The following FARP1 variants were observed in gnomAD, a reference collection of about 807,000 sequenced individuals.
FARP1 encodes the protein FERM, ARHGEF and pleckstrin domain-containing protein 1.
FARP1 carries 52 observed loss-of-function variants against 128.8 expected under a neutral mutation model. The observed-to-expected ratio is 0.40, with a 90% CI of 0.32 to 0.51. The LOEUF is 0.51. Ranked by LOEUF, FARP1 falls within the 20% of genes least tolerant of loss-of-function variation. The pLI, the probability that FARP1 is intolerant of heterozygous loss-of-function variation, is 0.45. For synonymous variants in FARP1, 580 were observed against 551.8 expected (o/e 1.05, Z -0.72); for missense variants, 1,333 against 1,367.9 (o/e 0.97, Z 0.40).
chr13:98,320,266 C>T (rs1416310354), intron 2 of FARP1, among the ~76,000 whole-genome samples: 2 of 152,166 alleles, frequency 1.3e-5, no homozygotes, highest in Admixed American at 6.5e-5. Context: ...GGTACCTGAT[C>T]GGCCCAGGTG....
chr13:98,436,701 C>T (rs557421819), intron 19 of FARP1, among the ~76,000 whole-genome samples: 2 of 152,322 alleles, frequency 1.3e-5, no homozygotes, highest in Admixed American at 6.5e-5. Flanking sequence ...AAGAGCCATG[C>T]GGTAAGCGCT....
At chr13:98,177,299 T>C in intron 1 of FARP1, 2 of 1,349,016 alleles carry the variant, frequency 1.5e-6, no homozygotes, top group Non-Finnish European at 2.0e-6. Context: ...CTTGCGTCGC[T>C]GCACGTGGGG....
At chr13:98,442,322 T>C (rs1892558107) in intron 24 of FARP1, among the ~76,000 whole-genome samples, 1 of 152,194 alleles carries the variant, frequency 6.6e-6, no homozygotes, top group African/African-American at 2.4e-5. Context: ...CGAGAGAGTC[T>C]CGGAATTTAT....
intron 2 of FARP1, chr13:98,329,247 C>T (rs1176230844): frequency 6.6e-6 from 1 of 152,224 alleles, no homozygotes; most frequent in East Asian, 1.9e-4. Context: ...GAAAGAATGT[C>T]ATCTTCTATT....
chr13:98,427,596 C>T (rs1171717784), intron 17 of FARP1, among the ~76,000 whole-genome samples: 1 of 152,222 alleles, frequency 6.6e-6, no homozygotes, highest in Non-Finnish European at 1.5e-5. Flanking sequence ...GTCCTTCGTG[C>T]CTTCTCCAGG....
intron 2 of FARP1, among the ~76,000 whole-genome samples, chr13:98,294,324 T>C (rs1427375485): frequency 1.3e-5 from 2 of 152,132 alleles, no homozygotes; most frequent in East Asian, 3.9e-4. Context: ...GGTTCAACCA[T>C]TGATAAGATA....
At chr13:98,352,713 C>T (rs535697260) in intron 3 of FARP1, among the ~76,000 whole-genome samples, 29 of 152,284 alleles carry the variant, frequency 1.9e-4, no homozygotes, top group African/African-American at 6.0e-4. Flanking sequence ...TGAGACACCA[C>T]GTTTGGCCTT....
rs536119027 is a variant in FARP1 at position 98,448,918 on chromosome 13, C to T, written c.*601C>T. On this transcript the variant is annotated 3_prime_UTR_variant, in exon 27 of 27. Transcript: ENST00000319562. ...GTTCCACTGCGGGGTTTCACGCTCA[C>T]CTGAAAACACCTGTTCCCAACCTAC... The T allele has an allele frequency of 6.6e-6, 1 of 152,200 alleles. No individual in the cohort carries two copies. The highest frequency in any genetic ancestry group is 1.5e-5 in the Non-Finnish European group (1 of 68,070). The allele number at this position is 152,200 out of a possible 1,614,324, so 9.4% of individuals were successfully genotyped here.
rs1434276049 is a variant in FARP1, at chr13:98,322,595, A to T, written c.172-21167A>T. ...TTAGCCGAGTACAGTTCTGACTGCC[A>T]TGCGACCAAGACCCGGAGCTTACAT... is the stretch of plus-strand genomic sequence containing the variant. On this transcript the variant is annotated intron_variant, in intron 2 of 26. Transcript: ENST00000319562. Among the ~76,000 whole-genome samples, 5 of 152,306 alleles carry T rather than the reference A, an allele frequency of 3.3e-5. No homozygotes were observed. The South Asian group carries it at 1.0e-3, about 32-fold the overall frequency.
intron 2 of FARP1, among the ~76,000 whole-genome samples, chr13:98,313,426 A>C (rs1243625529): frequency 1.4e-4 from 21 of 152,160 alleles, no homozygotes; most frequent in Non-Finnish European, 4.4e-5. Flanking sequence ...CAGGAGCGGG[A>C]TGCCAGGGCT....
At chr13:98,422,056 C>T (rs2140145703) in intron 16 of FARP1, among the ~76,000 whole-genome samples, 1 of 152,166 alleles carries the variant, frequency 6.6e-6, no homozygotes, top group Non-Finnish European at 1.5e-5. Context: ...AATAGGAGGG[C>T]TTGTATAGGA....
intron 16 of FARP1, among the ~76,000 whole-genome samples, chr13:98,418,423 C>T: frequency 6.6e-6 from 1 of 152,118 alleles, no homozygotes; most frequent in South Asian, 2.1e-4. Flanking sequence ...TACAGGCGTG[C>T]ATCACCACAC....
rs1183809728 is a variant in FARP1, at chr13:98,451,575, C to G, written c.*3258C>G. On this transcript the variant is annotated 3_prime_UTR_variant, in exon 27 of 27. Coordinates refer to ENST00000319562, the MANE Select transcript of FARP1 (RefSeq NM_005766.4). Reference sequence around the variant, plus strand: ...CCACTCAAGCATCTGTAGCTCAGGGCTCTGTCCCCTCCCTATAGCTTAGAG... The same window carrying G: ...CCACTCAAGCATCTGTAGCTCAGGGGTCTGTCCCCTCCCTATAGCTTAGAG... 2 of 152,186 alleles carry G rather than the reference C, an allele frequency of 1.3e-5. No homozygotes were observed. Among genetic ancestry groups the G allele is most frequent in the Non-Finnish European group, 2.9e-5 (2 of 68,044 alleles). The allele number at this position is 152,186 out of a possible 1,614,324, so 9.4% of individuals were successfully genotyped here.
chr13:98,378,770 T>C (rs1208503434), intron 6 of FARP1, among the ~76,000 whole-genome samples: 2 of 150,878 alleles, frequency 1.3e-5, no homozygotes, highest in African/African-American at 4.9e-5. Context: ...ATGTGTATCT[T>C]CTTGTTTTTT....
At chr13:98,160,696 C>T (rs573548025) in intron 1 of FARP1, among the ~76,000 whole-genome samples, 14 of 152,072 alleles carry the variant, frequency 9.2e-5, no homozygotes, top group Middle Eastern at 3.4e-3. Flanking sequence ...CTGAGTCTTG[C>T]TCTGTTGCCT....
intron 2 of FARP1, among the ~76,000 whole-genome samples, chr13:98,254,945 C>CT (rs11373975): frequency 0.3 from 45,432 of 150,052 alleles, 8,690 homozygotes; most frequent in African/African-American, 0.54. Context: ...GCATCTTCCT[C>CT]TTTTTTTTTT....
chr13:98,160,531 G>A (rs1876806547), intron 1 of FARP1, among the ~76,000 whole-genome samples: 1 of 152,106 alleles, frequency 6.6e-6, no homozygotes, highest in Admixed American at 6.6e-5. Flanking sequence ...CAAAAATAAG[G>A]TCATTGTAGA....
intron 1 of FARP1, among the ~76,000 whole-genome samples, chr13:98,151,660 C>CTTTTTTTTTTTTTTT (rs34250002): frequency 0.053 from 3,631 of 69,156 alleles, 1,162 homozygotes; most frequent in Non-Finnish European, 0.071. Flanking sequence ...TATCTTCCAT[C>CTTTTTTTTTTTTTTT]TTTTTTTTTT....
chr13:98,151,671 T>TTTTTTTTTTTTTTTTTC (rs1876013029), intron 1 of FARP1, among the ~76,000 whole-genome samples: 1 of 121,576 alleles, frequency 8.2e-6, no homozygotes, highest in Admixed American at 9.4e-5. Context: ...TTTTTTTTTT[T>TTTTTTTTTTTTTTTTTC]TTTTTTTTGA....
Sources: gnomAD v4.1 joint callset for allele counts (sites outside exome capture counted in the v4.1 genomes callset) on GRCh38, gnomAD v4.1.1 for gene constraint, MANE v1.5 for transcripts, NCBI Gene and HGNC (gene_info 2026-07-23, HGNC 2026-07-21) for gene names.